The following PMS1 variants were observed in gnomAD, a reference collection of about 807,000 sequenced individuals.
The protein encoded by PMS1 is PMS1 homolog 1, mismatch repair system component, also known as PMS1 protein homolog 1.
A neutral mutation model predicts 93.1 loss-of-function variants in PMS1; 79 were observed. That is an observed-to-expected ratio of 0.85 (90% CI 0.71 to 1.02). The LOEUF (loss-of-function observed/expected upper bound fraction) is 1.02. PMS1 is among the 50% of genes least tolerant of loss of function. The pLI is 0.00. For missense variants in PMS1, 1,064 were observed against 1,085.3 expected, an observed-to-expected ratio of 0.98 and a Z score of 0.28; for synonymous variants, 335 against 363.4, an observed-to-expected ratio of 0.92 and a Z score of 0.89.
intron 6 of PMS1, among the ~76,000 whole-genome samples, chr2:189,846,730 C>A (rs1030961551): frequency 6.6e-6 from 1 of 152,150 alleles, no homozygotes; most frequent in Non-Finnish European, 1.5e-5. Context: ...AGAATGATTT[C>A]ATCTTGCACT....
chr2:189,786,480 A>C (rs2048357906), intron 1 of PMS1, among the ~76,000 whole-genome samples: 1 of 152,186 alleles, frequency 6.6e-6, no homozygotes, highest in Non-Finnish European at 1.5e-5. Flanking sequence ...GTAGAGAGCG[A>C]GTAGAATTTC....
intron 4 of PMS1, chr2:189,806,477 A>C (rs911743875): frequency 6.4e-5 from 18 of 283,150 alleles, no homozygotes; most frequent in African/African-American, 3.8e-4. Flanking sequence ...GGTTCACTGC[A>C]ACCTCTGCCT....
chr2:189,795,903 T>G lies in PMS1; in HGVS notation c.267T>G (p.Thr89=), dbSNP rs753750267. 1.8e-5 allele frequency: 29 copies of G among 1,613,538 alleles called. No individual in the cohort carries two copies. Among genetic ancestry groups the G allele is most frequent in the Non-Finnish European group, 2.2e-5 (26 of 1,179,588 alleles). The change falls in exon 3 of 13, where the codon ACT becomes ACG. Residue 89 remains threonine (T), a synonymous_variant. Coordinates refer to ENST00000441310, the MANE Select transcript of PMS1 (RefSeq NM_000534.5). ...NSHEDLENLT[T]YGFRGEALGS... is the part of the protein sequence containing the mutation. The stretch of plus-strand genomic sequence containing the variant: ...ATGAAGATCTTGAAAATTTGACAAC[T>G]TACGGTTTTCGTGGAGAAGCCTTGG...
chr2:189,798,080 T>C (rs2049519452), intron 3 of PMS1, among the ~76,000 whole-genome samples: 1 of 152,212 alleles, frequency 6.6e-6, no homozygotes, highest in Non-Finnish European at 1.5e-5. Context: ...TCTGGCAACA[T>C]AGTACACTGG....
intron 11 of PMS1, 45 bp from the exon 12 acceptor site, chr2:189,873,451 C>G: frequency 7.3e-7 from 1 of 1,375,466 alleles, no homozygotes; most frequent in Non-Finnish European, 1.0e-6. Context: ...TGGACATGTT[C>G]TGGAATATGA....
chr2:189,868,252 C>T (rs1396116449), intron 11 of PMS1, among the ~76,000 whole-genome samples: 3 of 152,144 alleles, frequency 2.0e-5, no homozygotes, highest in African/African-American at 7.2e-5. Flanking sequence ...AATGATAAAA[C>T]ACAAACATGT....
intron 6 of PMS1, among the ~76,000 whole-genome samples, chr2:189,845,693 A>G (rs980779798): frequency 2.0e-5 from 3 of 151,958 alleles, no homozygotes; most frequent in Non-Finnish European, 4.4e-5. Flanking sequence ...TATTACTGGT[A>G]TGTCATGCCT....
chr2:189,787,000 C>T (rs1436218992), intron 1 of PMS1, among the ~76,000 whole-genome samples: 3 of 152,080 alleles, frequency 2.0e-5, no homozygotes, highest in South Asian at 2.1e-4. Context: ...CTGCAGTGAG[C>T]GGAGATTGTG....
intron 12 of PMS1, among the ~76,000 whole-genome samples, chr2:189,876,770 C>CTTTT (rs150660131): frequency 2.6e-4 from 31 of 117,886 alleles, no homozygotes; most frequent in Non-Finnish European, 3.7e-4. Flanking sequence ...ACCGTGCCCA[C>CTTTT]TTTTTTTTTT....
intron 5 of PMS1, 110 bp from the exon 6 acceptor site, chr2:189,843,854 T>G (rs1486819741): frequency 1.1e-6 from 1 of 920,430 alleles, no homozygotes; most frequent in Non-Finnish European, 1.7e-6. Context: ...TAAGTGATAC[T>G]GAAATTTTAA....
intron 3 of PMS1, among the ~76,000 whole-genome samples, chr2:189,803,382 G>A (rs2050062903): frequency 1.3e-5 from 2 of 152,166 alleles, no homozygotes; most frequent in African/African-American, 4.8e-5. Context: ...CTGGACCAGA[G>A]AGTCAGTTTT....
intron 10 of PMS1, among the ~76,000 whole-genome samples, chr2:189,865,690 CAAAAAT>C (rs1384971281): frequency 2.0e-5 from 3 of 151,870 alleles, no homozygotes; most frequent in Non-Finnish European, 4.4e-5. Flanking sequence ...CCTGGGGAAA[CAAAAAT>C]AAAAAAGATT....
chr2:189,787,352 TG>T (rs34096713), intron 1 of PMS1, among the ~76,000 whole-genome samples: 1 of 152,206 alleles, frequency 6.6e-6, no homozygotes, highest in African/African-American at 2.4e-5. Context: ...GGGCTTGCCA[TG>T]GGTGAAGCAT....
At chr2:189,809,476 C>CTTTTTTTTTTTTTTTTT (rs1575097384) in intron 4 of PMS1, among the ~76,000 whole-genome samples, 34 of 36,210 alleles carry the variant, frequency 9.4e-4, no homozygotes, top group South Asian at 1.5e-3. Context: ...TTTTTTTTTG[C>CTTTTTTTTTTTTTTTTT]TTTTTGAGAC....
intron 12 of PMS1, among the ~76,000 whole-genome samples, chr2:189,874,250 A>G (rs1168215159): frequency 6.6e-6 from 1 of 152,220 alleles, no homozygotes; most frequent in African/African-American, 2.4e-5. Context: ...TCTTTTTTAA[A>G]AACATTTCAT....
rs141084536 is a variant in PMS1, at chr2:189,854,335, G to A, written c.1063G>A (p.Ala355Thr). The change falls in exon 9 of 13, where the codon GCA becomes ACA. Residue 355 changes from alanine (A) to threonine (T), a missense_variant. Ala to Thr is a moderately conservative substitution (Grantham distance 58). Transcript: ENST00000441310. Reference protein sequence around the residue: ...SYENNKTDVSAADIVLSKTAE... With the variant: ...SYENNKTDVSTADIVLSKTAE... ...TGAAAATAATAAAACAGATGTTTCC[G>A]CAGCTGACATCGTTCTTAGTAAAAC... is the stretch of plus-strand genomic sequence containing the variant. The A allele has an allele frequency of 1.7e-5, 27 of 1,597,284 alleles. No homozygotes were observed. The highest frequency in any genetic ancestry group is 1.5e-4 in the African/African-American group (11 of 74,138).
chr2:189,823,943 C>T (rs2052197069), intron 5 of PMS1, among the ~76,000 whole-genome samples: 2 of 152,132 alleles, frequency 1.3e-5, no homozygotes, highest in Non-Finnish European at 2.9e-5. Flanking sequence ...ATAACCTGGT[C>T]AGCCTTTTAA....
chr2:189,868,196 A>G (rs1022935657), intron 11 of PMS1, among the ~76,000 whole-genome samples: 1 of 152,250 alleles, frequency 6.6e-6, no homozygotes, highest in Non-Finnish European at 1.5e-5. Flanking sequence ...CTTTGACACA[A>G]TATTCAAACT....
At chr2:189,851,759 G>A (rs2054756583) in intron 6 of PMS1, among the ~76,000 whole-genome samples, 1 of 152,096 alleles carries the variant, frequency 6.6e-6, no homozygotes, top group Non-Finnish European at 1.5e-5. Context: ...AACACATCTA[G>A]TTCTAGTTGT....
Sources: allele counts gnomAD v4.1 joint callset (sites outside exome capture counted in the v4.1 genomes callset), GRCh38; gene constraint gnomAD v4.1.1; transcripts MANE v1.5; gene names NCBI Gene and HGNC (gene_info 2026-07-23, HGNC 2026-07-21).